The following SDCCAG8 variants were observed in gnomAD, a reference collection of about 807,000 sequenced individuals.
The protein encoded by SDCCAG8 is SHH signaling and ciliogenesis regulator SDCCAG8.
A neutral mutation model predicts 101.8 loss-of-function variants in SDCCAG8; 74 were observed. The ratio of observed to expected loss-of-function variants is 0.73; its 90% CI spans 0.60 to 0.88. SDCCAG8 has a LOEUF of 0.88. SDCCAG8 is among the 40% of genes least tolerant of loss of function. SDCCAG8 has a pLI of 0.00. For synonymous variants in SDCCAG8, 281 were observed against 292.9 expected, an observed-to-expected ratio of 0.96 and a Z score of 0.41; for missense variants, 787 against 822.6, an observed-to-expected ratio of 0.96 and a Z score of 0.53.
At chr1:243,314,351 A>G (rs1232509641) in intron 8 of SDCCAG8, among the ~76,000 whole-genome samples, 1 of 152,260 alleles carries the variant, frequency 6.6e-6, no homozygotes, top group African/African-American at 2.4e-5. Context: ...CTGTGGTTCC[A>G]TAGTCTAAAT....
chr1:243,324,326 T>A (rs2073983790), intron 9 of SDCCAG8, among the ~76,000 whole-genome samples: 1 of 152,152 alleles, frequency 6.6e-6, no homozygotes. Flanking sequence ...GGTTCTTCCC[T>A]ATGCTTGCTC....
At chr1:243,275,854 ATG>A (rs1337369667) in intron 4 of SDCCAG8, among the ~76,000 whole-genome samples, 4 of 134,410 alleles carry the variant, frequency 3.0e-5, no homozygotes, top group Admixed American at 1.5e-4. Context: ...TCTTGAACCA[ATG>A]TTTTTTTTTT....
At chr1:243,274,786 T>C (rs1272671187) in intron 4 of SDCCAG8, 130 bp downstream of exon 4, 3 of 613,382 alleles carry the variant, frequency 4.9e-6, no homozygotes, top group East Asian at 3.0e-5. Context: ...TCTTACGTGA[T>C]TGAGAGACTG....
At chr1:243,494,460 A>G (rs1558551963) in intron 17 of SDCCAG8, among the ~76,000 whole-genome samples, 1 of 152,236 alleles carries the variant, frequency 6.6e-6, no homozygotes, top group Non-Finnish European at 1.5e-5. Flanking sequence ...TTAAAAAATG[A>G]CACAAGACCC....
rs758623782 is a variant in SDCCAG8, at chr1:243,304,792, T to C, written c.740+15T>C. The C allele has an allele frequency of 6.8e-7, 1 of 1,470,232 alleles. No homozygotes were observed. Among genetic ancestry groups the C allele is most frequent in the Non-Finnish European group, 9.5e-7 (1 of 1,049,046 alleles). 91.1% of individuals were successfully genotyped at this position (1,470,232 alleles called of 1,614,324 possible). A position where few individuals can be genotyped will look rare whatever the true frequency, so the allele number is the denominator to read the frequency against. On this transcript the variant is annotated intron_variant, in intron 7 of 17. Coordinates refer to ENST00000366541, the MANE Select transcript of SDCCAG8 (RefSeq NM_006642.5). ...AAGTTTTTGAGGTAAAGTGAAATCGTCCATTTATAGTCATACCAAAAGCAT... is the reference window on the plus strand; with the variant it reads ...AAGTTTTTGAGGTAAAGTGAAATCGCCCATTTATAGTCATACCAAAAGCAT...
At chr1:243,285,752 G>A (rs2069548610) in intron 4 of SDCCAG8, among the ~76,000 whole-genome samples, 1 of 152,148 alleles carries the variant, frequency 6.6e-6, no homozygotes, top group Admixed American at 6.5e-5. Context: ...ACCCTGTGAG[G>A]CCAAGGAAAT....
chr1:243,479,818 G>A (rs1574292374), intron 16 of SDCCAG8, among the ~76,000 whole-genome samples: 2 of 152,242 alleles, frequency 1.3e-5, no homozygotes, highest in East Asian at 3.9e-4. Flanking sequence ...TTCTCCAGAA[G>A]AACTCATTTC....
chr1:243,266,410 G>A (rs1004398130), intron 1 of SDCCAG8, among the ~76,000 whole-genome samples: 26 of 148,758 alleles, frequency 1.7e-4, no homozygotes, highest in Non-Finnish European at 3.1e-4. Context: ...TCCGCCCCCC[G>A]GCTTCAAGCA....
At chr1:243,445,563 C>G (rs953583581) in intron 16 of SDCCAG8, among the ~76,000 whole-genome samples, 12 of 152,202 alleles carry the variant, frequency 7.9e-5, no homozygotes, top group African/African-American at 2.9e-4. Context: ...AAATACATGA[C>G]AGGTGATGGA....
chr1:243,399,496 T>A (rs116144724), intron 13 of SDCCAG8, among the ~76,000 whole-genome samples: 3,076 of 152,192 alleles, frequency 0.02, 105 homozygotes, highest in African/African-American at 0.069. Flanking sequence ...GAACTTTTTT[T>A]AATTATTATT....
At chr1:243,289,428 C>A (rs1310760218) in intron 5 of SDCCAG8, among the ~76,000 whole-genome samples, 1 of 152,174 alleles carries the variant, frequency 6.6e-6, no homozygotes, top group Non-Finnish European at 1.5e-5. Flanking sequence ...CACAGACACA[C>A]CCAGGATCAA....
intron 17 of SDCCAG8, 86 bp from the exon 18 acceptor site, chr1:243,499,670 A>G (rs1379707453): frequency 4.6e-6 from 5 of 1,087,896 alleles, no homozygotes; most frequent in Non-Finnish European, 7.1e-6. Flanking sequence ...TTTTCATCAT[A>G]AAAGGTGACT....
chr1:243,287,387 G>A (rs904844187), intron 5 of SDCCAG8, among the ~76,000 whole-genome samples: 8 of 151,238 alleles, frequency 5.3e-5, no homozygotes, highest in African/African-American at 1.9e-4. Context: ...TGTTTCATTG[G>A]GATATCCTCT....
chr1:243,359,988 C>A (rs1174213484), intron 12 of SDCCAG8, among the ~76,000 whole-genome samples: 1 of 151,996 alleles, frequency 6.6e-6, no homozygotes, highest in Non-Finnish European at 1.5e-5. Flanking sequence ...ATAATGGTAT[C>A]TCATTGTGGT....
intron 4 of SDCCAG8, among the ~76,000 whole-genome samples, chr1:243,283,763 C>T (rs1303751609): frequency 4.6e-5 from 7 of 152,028 alleles, no homozygotes; most frequent in South Asian, 2.1e-4. Flanking sequence ...TATTTTGAGA[C>T]GGAGTCTCAC....
intron 12 of SDCCAG8, among the ~76,000 whole-genome samples, chr1:243,349,369 C>A (rs1022070775): frequency 1.3e-5 from 2 of 152,168 alleles, no homozygotes; most frequent in African/African-American, 2.4e-5. Context: ...ATATATGTAT[C>A]ACCTATTGCT....
chr1:243,432,316 G>A (rs2081837285), intron 16 of SDCCAG8, among the ~76,000 whole-genome samples: 1 of 152,100 alleles, frequency 6.6e-6, no homozygotes, highest in Non-Finnish European at 1.5e-5. Context: ...ATTGTAAGTG[G>A]GAGCTAAATG....
chr1:243,402,879 G>A (rs1178702985), intron 13 of SDCCAG8, among the ~76,000 whole-genome samples: 1 of 152,146 alleles, frequency 6.6e-6, no homozygotes, highest in Non-Finnish European at 1.5e-5. Context: ...CCACTTTGAG[G>A]AGGAGGAGGA....
intron 16 of SDCCAG8, among the ~76,000 whole-genome samples, chr1:243,443,190 G>A (rs1193150400): frequency 6.6e-6 from 1 of 152,146 alleles, no homozygotes; most frequent in East Asian, 1.9e-4. Flanking sequence ...GATAAGCAGT[G>A]TAACTTTCTC....
Sources: gnomAD v4.1 joint callset for allele counts (sites outside exome capture counted in the v4.1 genomes callset) on GRCh38, gnomAD v4.1.1 for gene constraint, MANE v1.5 for transcripts, NCBI Gene and HGNC (gene_info 2026-07-23, HGNC 2026-07-21) for gene names.